EFHC2: variants seen among roughly 807,000 people sequenced by gnomAD.
The protein encoded by EFHC2 is EF-hand domain containing 2.
EFHC2 carries 18 observed loss-of-function variants against 52.7 expected under a neutral mutation model. That is an observed-to-expected ratio of 0.34 (90% CI 0.24 to 0.51). EFHC2 has a LOEUF of 0.51. Among genes scored for constraint, EFHC2 ranks in the 20% least tolerant of loss-of-function variants. The pLI, the probability that EFHC2 is intolerant of heterozygous loss-of-function variation, is 0.97. For synonymous variants in EFHC2, 203 were observed against 204.1 expected (o/e 0.99, Z 0.04); for missense variants, 513 against 562.5 (o/e 0.91, Z 0.89).
chrX:44,318,689 C>T (rs1462752402), intron 1 of EFHC2, among the ~76,000 whole-genome samples: 1 of 111,622 alleles, frequency 9.0e-6, no homozygotes, highest in African/African-American at 3.3e-5. Flanking sequence ...ATAATATGTG[C>T]ACATACTCGT....
At chrX:44,229,600 G>T (rs755628902) in intron 11 of EFHC2, 49 bp downstream of exon 11, 4 of 1,194,744 alleles carry the variant, frequency 3.3e-6, no homozygotes, top group Admixed American at 4.4e-5. Context: ...TCTGTTCTTT[G>T]GACAACCTTG....
intron 2 of EFHC2, among the ~76,000 whole-genome samples, chrX:44,290,051 A>G (rs1305680431): frequency 8.9e-6 from 1 of 111,810 alleles, no homozygotes; most frequent in African/African-American, 3.3e-5. Flanking sequence ...TGCTTAATCA[A>G]TTTGGTTGCT....
At chrX:44,333,814 G>T (rs1184608689) in intron 1 of EFHC2, among the ~76,000 whole-genome samples, 5 of 111,341 alleles carry the variant, frequency 4.5e-5, no homozygotes, top group African/African-American at 1.3e-4. Flanking sequence ...CTACTGGGGG[G>T]CTCCTGGAAA....
At chrX:44,292,975 CTT>C (rs370747140) in intron 2 of EFHC2, among the ~76,000 whole-genome samples, 12,349 of 93,771 alleles carry the variant, frequency 0.13, 762 homozygotes, top group Admixed American at 0.22. Flanking sequence ...TCCTTTCTTT[CTT>C]TTTTTTTTTT....
intron 2 of EFHC2, among the ~76,000 whole-genome samples, chrX:44,297,967 A>T (rs1042425400): frequency 2.8e-5 from 3 of 108,466 alleles, no homozygotes; most frequent in African/African-American, 1.0e-4. Context: ...AGGTAAAAAA[A>T]TAAAAATAAA....
At chrX:44,330,404 T>C in intron 1 of EFHC2, among the ~76,000 whole-genome samples, 1 of 112,210 alleles carries the variant, frequency 8.9e-6, no homozygotes, top group Non-Finnish European at 1.9e-5. Flanking sequence ...CAAAAGATAC[T>C]GTTAACAGGA....
At chrX:44,174,388 C>A in intron 13 of EFHC2, among the ~76,000 whole-genome samples, 1 of 110,625 alleles carries the variant, frequency 9.0e-6, no homozygotes, top group African/African-American at 3.3e-5. Flanking sequence ...CACACAGAAG[C>A]AGTGTCTGCA....
chrX:44,291,613 C>A (rs981223983), intron 2 of EFHC2, among the ~76,000 whole-genome samples: 1 of 112,192 alleles, frequency 8.9e-6, no homozygotes, highest in Non-Finnish European at 1.9e-5. Context: ...AGAATGTTCA[C>A]GTAGCTTTAT....
At chrX:44,287,295 A>AT (rs2037759300) in intron 2 of EFHC2, among the ~76,000 whole-genome samples, 4 of 111,495 alleles carry the variant, frequency 3.6e-5, no homozygotes, top group Non-Finnish European at 5.7e-5. Flanking sequence ...TATCAAAAAA[A>AT]TTTTTTTTAA....
intron 11 of EFHC2, among the ~76,000 whole-genome samples, chrX:44,192,063 T>A (rs1409705102): frequency 2.3e-5 from 2 of 86,624 alleles, no homozygotes; most frequent in Admixed American, 1.1e-4. Context: ...CATATGTAAG[T>A]GTGTGTGTGT....
At chrX:44,244,154 G>C (rs2037381840) in intron 7 of EFHC2, among the ~76,000 whole-genome samples, 1 of 112,052 alleles carries the variant, frequency 8.9e-6, no homozygotes, top group Non-Finnish European at 1.9e-5. Context: ...TTTTGCAACA[G>C]ATTTAAGTAA....
chrX:44,152,230 C>T (rs1402880091), intron 14 of EFHC2, among the ~76,000 whole-genome samples: 1 of 110,861 alleles, frequency 9.0e-6, no homozygotes, highest in African/African-American at 3.3e-5. Context: ...TCACAGAAAC[C>T]CCTTACGAGA....
At chrX:44,289,677 C>CTTTTTTT (rs1207899077) in intron 2 of EFHC2, among the ~76,000 whole-genome samples, 6 of 72,294 alleles carry the variant, frequency 8.3e-5, no homozygotes, top group Non-Finnish European at 1.2e-4. Flanking sequence ...TCTTTTCTTT[C>CTTTTTTT]TTTTTTTTTT....
intron 14 of EFHC2, among the ~76,000 whole-genome samples, chrX:44,163,686 G>A (rs1303162930): frequency 1.8e-5 from 2 of 111,483 alleles, no homozygotes; most frequent in Non-Finnish European, 3.8e-5. Context: ...AATTGGATGC[G>A]ATCGAGGTTA....
Position 44,212,449 on chromosome X carries a change from G to T in EFHC2, c.1751+17200C>A, listed in dbSNP as rs771929747. ...GGTTTTATCAGAGCCTAACAACCTG[G>T]GGTAAGGGTAACACTCAACTGCAGC... On this transcript the variant is annotated intron_variant, in intron 11 of 14. Coordinates refer to ENST00000420999, the MANE Select transcript of EFHC2 (RefSeq NM_025184.4). Among the ~76,000 whole-genome samples, 3 of 110,552 alleles carry T rather than the reference G, an allele frequency of 2.7e-5. No homozygotes were observed. In the East Asian group the frequency reaches 8.6e-4, roughly 32 times the overall value.
intron 11 of EFHC2, among the ~76,000 whole-genome samples, chrX:44,216,506 C>T (rs1370235043): frequency 9.0e-6 from 1 of 111,628 alleles, no homozygotes; most frequent in Non-Finnish European, 1.9e-5. Context: ...TCTTTTCTAG[C>T]TTGGCCTCGG....
intron 1 of EFHC2, among the ~76,000 whole-genome samples, chrX:44,318,966 G>A (rs1400222351): frequency 9.1e-6 from 1 of 109,764 alleles, no homozygotes; most frequent in Admixed American, 9.8e-5. Context: ...CAGTGGGCAG[G>A]GTGGGTTGGA....
chrX:44,159,768 G>A (rs1248358755), intron 14 of EFHC2, among the ~76,000 whole-genome samples: 2 of 112,537 alleles, frequency 1.8e-5, no homozygotes, highest in African/African-American at 3.2e-5. Flanking sequence ...GACATTCCTG[G>A]CCTAGAACCA....
chrX:44,235,630 T>A (rs1209859951), intron 8 of EFHC2, among the ~76,000 whole-genome samples, 183 bp from the exon 9 acceptor site: 2 of 112,864 alleles, frequency 1.8e-5, no homozygotes, highest in Non-Finnish European at 3.7e-5. Context: ...ATTTTCTCAG[T>A]ATATTAAGAT....
Sources: gnomAD v4.1 joint callset for allele counts (sites outside exome capture counted in the v4.1 genomes callset) on GRCh38, gnomAD v4.1.1 for gene constraint, MANE v1.5 for transcripts, NCBI Gene and HGNC (gene_info 2026-07-23, HGNC 2026-07-21) for gene names.